ZFP14: variants seen among roughly 807,000 people sequenced by gnomAD.
ZFP14 encodes the protein zinc finger protein 14 homolog.
A neutral mutation model predicts 54.5 loss-of-function variants in ZFP14; 22 were observed. That is an observed-to-expected ratio of 0.40 (90% CI 0.29 to 0.58). The LOEUF is 0.58. Ranked by LOEUF, ZFP14 falls within the 20% of genes least tolerant of loss-of-function variation. ZFP14 has a pLI of 0.39. For missense variants in ZFP14, 470 were observed against 637.8 expected, an observed-to-expected ratio of 0.74 and a Z score of 2.83; for synonymous variants, 159 against 204.0, an observed-to-expected ratio of 0.78 and a Z score of 1.88.
chr19:36,370,704 A>C (rs1477071276), intron 1 of ZFP14, among the ~76,000 whole-genome samples: 1 of 152,194 alleles, frequency 6.6e-6, no homozygotes, highest in Non-Finnish European at 1.5e-5. Context: ...GCATCCCAGC[A>C]CTATACCCAC....
chr19:36,367,444 A>C (rs918136734), intron 2 of ZFP14, among the ~76,000 whole-genome samples: 2 of 152,060 alleles, frequency 1.3e-5, no homozygotes, highest in East Asian at 3.9e-4. Flanking sequence ...ATACTGGGCT[A>C]TCTGTCCCAA....
intron 2 of ZFP14, among the ~76,000 whole-genome samples, chr19:36,366,563 C>G (rs2031798198): frequency 6.6e-6 from 1 of 152,078 alleles, no homozygotes; most frequent in Non-Finnish European, 1.5e-5. Flanking sequence ...GCGATCTGCC[C>G]ACCTCAGCCT....
At chr19:36,377,833 C>T (rs1165128474) in intron 1 of ZFP14, among the ~76,000 whole-genome samples, 1 of 151,846 alleles carries the variant, frequency 6.6e-6, no homozygotes, top group African/African-American at 2.4e-5. Context: ...GTAACAGACC[C>T]AGACTCCATC....
rs571963803 is a variant in ZFP14 at position 36,362,024 on chromosome 19, T to C, written c.136+88A>G. 7.8e-4 allele frequency: 1,131 copies of C among 1,449,404 alleles called. 2 individuals carry two copies. The highest frequency in any genetic ancestry group is 9.9e-4 in the Non-Finnish European group (1,072 of 1,083,738). The allele number at this position is 1,449,404 out of a possible 1,614,324, so 89.8% of individuals were successfully genotyped here. A position where few individuals can be genotyped will look rare whatever the true frequency, so the allele number is the denominator to read the frequency against. ...AAAGCTTAAATCATTCCTTTGAGAA[T>C]AGAAAGTAGTTTTAGAGAGTTTTTC... is the stretch of plus-strand genomic sequence containing the variant. On this transcript the variant is annotated intron_variant, in intron 3 of 4. Transcript: ENST00000270001.
rs79785782 is a variant in ZFP14, at chr19:36,348,799, A to C, written c.236-7209T>G. Among the ~76,000 whole-genome samples the C allele has an allele frequency of 3.8e-3, 572 of 152,280 alleles. 22 individuals are homozygous for C. In the East Asian group the frequency reaches 0.089, roughly 24 times the overall value. On this transcript the variant is annotated intron_variant, in intron 4 of 4. Transcript: ENST00000270001. ...GGAAGTGCTATACCTGCTTTGGAAG[A>C]AGCAGCTCTCAGAGGAAATAACACC...
intron 1 of ZFP14, among the ~76,000 whole-genome samples, chr19:36,368,255 G>T (rs1393410425): frequency 2.0e-5 from 3 of 152,162 alleles, no homozygotes; most frequent in Admixed American, 1.3e-4. Flanking sequence ...GAGCACCTGA[G>T]GTCGGGAGTT....
chr19:36,357,537 T>G (rs1340269447), intron 4 of ZFP14, among the ~76,000 whole-genome samples: 1 of 152,194 alleles, frequency 6.6e-6, no homozygotes, highest in East Asian at 1.9e-4. Context: ...TTTATTTGTT[T>G]CCCCAGTTAT....
intron 4 of ZFP14, among the ~76,000 whole-genome samples, chr19:36,352,758 G>A (rs1448737476): frequency 3.5e-5 from 5 of 141,376 alleles, no homozygotes; most frequent in African/African-American, 5.2e-5. Flanking sequence ...TGGCTAACAC[G>A]GTGAAACCCC....
chr19:36,370,420 A>G (rs533204625), intron 1 of ZFP14, among the ~76,000 whole-genome samples: 1 of 152,354 alleles, frequency 6.6e-6, no homozygotes, highest in African/African-American at 2.4e-5. Flanking sequence ...CTCTGGCATC[A>G]GGAAAGATCA....
At chr19:36,349,243 C>T (rs4806323) in intron 4 of ZFP14, among the ~76,000 whole-genome samples, 1 of 48,124 alleles carries the variant, frequency 2.1e-5, no homozygotes, top group East Asian at 5.6e-4. Context: ...AAAAAAAAAA[C>T]AAAAAAAAAA....
At chr19:36,356,687 A>T (rs1283308504) in intron 4 of ZFP14, among the ~76,000 whole-genome samples, 1 of 152,094 alleles carries the variant, frequency 6.6e-6, no homozygotes, top group African/African-American at 2.4e-5. Context: ...TTGTTTTTCC[A>T]TCTCTATGTG....
chr19:36,362,112 C>G lies in ZFP14; in HGVS notation c.136G>C (p.Gly46Arg). Residue 46 changes from glycine (G) to arginine (R), a missense_variant and splice_region_variant, in exon 3 of 5, where the codon GGA (glycine) becomes CGA (arginine). Transcript: ENST00000270001. ...TATCATTTGGGATAAATAACCTTACCTAGTGAAATGAAGTTGCTGTAGTTC... is the reference window on the plus strand; with the variant it reads ...TATCATTTGGGATAAATAACCTTACGTAGTGAAATGAAGTTGCTGTAGTTC... ...WENYSNFISL[G>R]PSISKPDVIT... 6.3e-7 allele frequency: 1 copy of G among 1,597,966 alleles called. No homozygotes were observed. Among genetic ancestry groups the G allele is most frequent in the Non-Finnish European group, 8.5e-7 (1 of 1,174,516 alleles).
At chr19:36,363,989 C>CAA (rs371565202) in intron 2 of ZFP14, among the ~76,000 whole-genome samples, 32 of 124,858 alleles carry the variant, frequency 2.6e-4, no homozygotes, top group Non-Finnish European at 5.0e-4. Context: ...GACTCGGTCT[C>CAA]AAAAAAAAAA....
chr19:36,346,205 G>A (rs1038110263), intron 4 of ZFP14, among the ~76,000 whole-genome samples: 16 of 152,108 alleles, frequency 1.1e-4, no homozygotes, highest in African/African-American at 3.1e-4. Flanking sequence ...AGGATCGTCT[G>A]AGCCCGGGAG....
At chr19:36,357,325 A>G (rs2031632197) in intron 4 of ZFP14, among the ~76,000 whole-genome samples, 1 of 152,162 alleles carries the variant, frequency 6.6e-6, no homozygotes, top group Non-Finnish European at 1.5e-5. Flanking sequence ...TTACAGATGT[A>G]AGCCACTGCG....
intron 4 of ZFP14, among the ~76,000 whole-genome samples, chr19:36,347,645 AT>A (rs144141132): frequency 0.037 from 5,683 of 152,150 alleles, 357 homozygotes; most frequent in African/African-American, 0.13. Context: ...AGAAAAAGTA[AT>A]CAAAGACCCA....
intron 4 of ZFP14, among the ~76,000 whole-genome samples, chr19:36,346,468 T>G (rs2031416110): frequency 6.6e-6 from 1 of 152,168 alleles, no homozygotes; most frequent in Admixed American, 6.5e-5. Context: ...TCTCACTTTT[T>G]TTTTTTGAGA....
intron 4 of ZFP14, among the ~76,000 whole-genome samples, chr19:36,345,602 G>A (rs192186131): frequency 2.6e-5 from 4 of 152,272 alleles, no homozygotes; most frequent in Admixed American, 1.3e-4. Context: ...AGGAAAGGAG[G>A]AGAATTTTTT....
At position 36,367,900 on chromosome 19, in the gene ZFP14, G is replaced by A. The variant is rs1361100305; in HGVS notation, c.-8C>T. 8 of 1,611,146 alleles carry A rather than the reference G, an allele frequency of 5.0e-6. No homozygotes were observed. Among genetic ancestry groups the A allele is most frequent in the Non-Finnish European group, 6.8e-6 (8 of 1,178,386 alleles). On this transcript the variant is annotated 5_prime_UTR_variant, in exon 2 of 5. Transcript: ENST00000270001. ...TTAACTTACATGGGCCATGGTTTTA[G>A]AACTGCAAAAACTGGTCAGTCCTTT...
Sources: allele counts gnomAD v4.1 joint callset (sites outside exome capture counted in the v4.1 genomes callset), GRCh38; gene constraint gnomAD v4.1.1; transcripts MANE v1.5; gene names NCBI Gene and HGNC (gene_info 2026-07-23, HGNC 2026-07-21).